EPB41L4A: variants seen among roughly 807,000 people sequenced by gnomAD.
EPB41L4A encodes erythrocyte membrane protein band 4.1 like 4A.
Under a neutral mutation model 108.6 loss-of-function variants are expected in EPB41L4A, and 100 were observed. That is an observed-to-expected ratio of 0.92 (90% CI 0.78 to 1.09). The LOEUF is 1.09. Ranked by LOEUF, EPB41L4A falls within the 50% of genes least tolerant of loss-of-function variation. EPB41L4A has a pLI of 0.00. For missense variants in EPB41L4A, 1,030 were observed against 842.7 expected, an observed-to-expected ratio of 1.22 and a Z score of -2.75; for synonymous variants, 319 against 289.0, an observed-to-expected ratio of 1.10 and a Z score of -1.05.
chr5:112,234,982 GA>G (rs1403433315), intron 11 of EPB41L4A, among the ~76,000 whole-genome samples: 2 of 152,136 alleles, frequency 1.3e-5, no homozygotes, highest in Non-Finnish European at 2.9e-5. Flanking sequence ...GAAACAGGAA[GA>G]AAGAATTTAT....
At chr5:112,369,707 T>C (rs1759362367) in intron 1 of EPB41L4A, among the ~76,000 whole-genome samples, 1 of 152,202 alleles carries the variant, frequency 6.6e-6, no homozygotes, top group Admixed American at 6.5e-5. Context: ...AGGAGGAACT[T>C]GGTGAGGGAG....
intron 1 of EPB41L4A, among the ~76,000 whole-genome samples, chr5:112,414,936 T>C (rs1216150361): frequency 6.6e-6 from 1 of 152,108 alleles, no homozygotes; most frequent in Non-Finnish European, 1.5e-5. Context: ...GAATCTTACG[T>C]TTGTGTGTGA....
chr5:112,355,722 C>G (rs1333077027), intron 1 of EPB41L4A, among the ~76,000 whole-genome samples: 2 of 152,212 alleles, frequency 1.3e-5, no homozygotes, highest in African/African-American at 4.8e-5. Flanking sequence ...TCAGTGATCC[C>G]CCAGGGATGC....
intron 1 of EPB41L4A, among the ~76,000 whole-genome samples, chr5:112,350,458 G>C (rs192596775): frequency 6.6e-6 from 1 of 152,058 alleles, no homozygotes; most frequent in Non-Finnish European, 1.5e-5. Context: ...ATCACCTCGA[G>C]GATTTATCAT....
intron 2 of EPB41L4A, among the ~76,000 whole-genome samples, chr5:112,282,007 A>T (rs1752995184): frequency 6.6e-6 from 1 of 152,096 alleles, no homozygotes; most frequent in Non-Finnish European, 1.5e-5. Flanking sequence ...AAAACTAAAA[A>T]TAAAAACTAA....
intron 4 of EPB41L4A, among the ~76,000 whole-genome samples, chr5:112,267,288 G>A (rs1287749090): frequency 6.6e-6 from 1 of 151,730 alleles, no homozygotes; most frequent in African/African-American, 2.4e-5. Context: ...GATGTCACTG[G>A]GAAGGGAAGA....
At chr5:112,268,711 T>C (rs1345208294) in intron 4 of EPB41L4A, among the ~76,000 whole-genome samples, 1 of 151,396 alleles carries the variant, frequency 6.6e-6, no homozygotes, top group Non-Finnish European at 1.5e-5. Flanking sequence ...GCCAGCCAGG[T>C]ACATGCATGT....
downstream of EPB41L4A, chr5:112,162,353 T>TTCTA (rs1460587292): frequency 1.3e-5 from 2 of 152,238 alleles, no homozygotes; most frequent in Non-Finnish European, 1.5e-5. Context: ...AAACAGCTAT[T>TTCTA]TCTAAAAAGT....
At chr5:112,192,326 C>G (rs752176171) in intron 17 of EPB41L4A, 15 of 152,166 alleles carry the variant, frequency 9.9e-5, no homozygotes, top group Non-Finnish European at 2.2e-4. Flanking sequence ...GAACTGAAAG[C>G]TATATTTCTT....
rs186127170 is a variant in EPB41L4A, at chr5:112,274,739, T to C, written c.335+587A>G. On this transcript the variant is annotated intron_variant, in intron 4 of 22. Coordinates refer to ENST00000261486, the MANE Select transcript of EPB41L4A (RefSeq NM_022140.5). The stretch of plus-strand genomic sequence containing the variant: ...TGTTCCTTATGAGCCCTTTCAGTTG[T>C]TGACATGTACTATTTTGACAACCTA... Among the ~76,000 whole-genome samples, 464 of 152,354 alleles carry C rather than the reference T, an allele frequency of 3.0e-3. 1 individual carries two copies. The highest frequency in any genetic ancestry group is 0.012 in the Admixed American group (186 of 15,312).
Position 112,184,020 on chromosome 5 carries a change from G to A in EPB41L4A, c.1618C>T (p.Arg540Cys), listed in dbSNP as rs774150056. The change falls in exon 18 of 23, where the codon CGT becomes TGT. Residue 540 changes from arginine (R) to cysteine (C), a missense_variant. By Grantham distance (180) the Arg-to-Cys change is radical. Transcript: ENST00000261486. ...GTATAAAAAGAGTCCACATACGAAC[G>A]AGATCTGTGTCTGGATCGCCTGTTG... ...PNNRRSRHRSRSRSPDIQAKE... is the reference protein window; with the variant it reads ...PNNRRSRHRSCSRSPDIQAKE... The A allele has an allele frequency of 1.1e-5, 18 of 1,613,958 alleles. No homozygotes were observed. The highest frequency in any genetic ancestry group is 2.2e-5 in the South Asian group (2 of 91,062).
chr5:112,326,338 T>C (rs1756160063), intron 1 of EPB41L4A, among the ~76,000 whole-genome samples: 1 of 152,028 alleles, frequency 6.6e-6, no homozygotes, highest in South Asian at 2.1e-4. Flanking sequence ...CTGCCAGACC[T>C]ACACACAACC....
intron 2 of EPB41L4A, 114 bp from the exon 3 acceptor site, chr5:112,280,437 A>G (rs1193886731): frequency 1.1e-6 from 1 of 936,748 alleles, no homozygotes; most frequent in Non-Finnish European, 1.7e-6. Context: ...GGTCAGTTAA[A>G]CACTTCTCTC....
intron 18 of EPB41L4A, among the ~76,000 whole-genome samples, chr5:112,173,402 A>T (rs1760694633): frequency 6.6e-6 from 1 of 152,086 alleles, no homozygotes; most frequent in Non-Finnish European, 1.5e-5. Context: ...ACAATACATT[A>T]AAAAAATGAT....
chr5:112,197,626 G>A (rs190134848), intron 15 of EPB41L4A, among the ~76,000 whole-genome samples: 1 of 152,264 alleles, frequency 6.6e-6, no homozygotes, highest in Non-Finnish European at 1.5e-5. Flanking sequence ...CAAACTCTGA[G>A]AGAACAGCAA....
intron 4 of EPB41L4A, among the ~76,000 whole-genome samples, chr5:112,271,125 T>C (rs1009860710): frequency 6.6e-6 from 1 of 152,200 alleles, no homozygotes; most frequent in Admixed American, 6.5e-5. Flanking sequence ...TCCAGATAGT[T>C]ACTGAATGAA....
intron 1 of EPB41L4A, among the ~76,000 whole-genome samples, chr5:112,379,964 C>T (rs1011833108): frequency 1.3e-5 from 2 of 152,186 alleles, no homozygotes; most frequent in Admixed American, 6.5e-5. Flanking sequence ...AATTAAAAGC[C>T]ATACAATTTC....
chr5:112,389,394 A>G (rs985734085), intron 1 of EPB41L4A, among the ~76,000 whole-genome samples: 14 of 152,200 alleles, frequency 9.2e-5, no homozygotes, highest in Admixed American at 8.5e-4. Flanking sequence ...CATCCATGCT[A>G]AAGTTCCAGG....
At chr5:112,253,517 C>T (rs1029042001) in intron 9 of EPB41L4A, among the ~76,000 whole-genome samples, 4 of 152,064 alleles carry the variant, frequency 2.6e-5, no homozygotes, top group Admixed American at 2.6e-4. Context: ...ATTGGGTTAA[C>T]CAACAAAATT....
Sources: gnomAD v4.1 joint callset for allele counts (sites outside exome capture counted in the v4.1 genomes callset) on GRCh38, gnomAD v4.1.1 for gene constraint, MANE v1.5 for transcripts, NCBI Gene and HGNC (gene_info 2026-07-23, HGNC 2026-07-21) for gene names.